Variants in FFAR4 observed in about 807,000 individuals in gnomAD.
The protein encoded by FFAR4 is G-protein coupled receptor 120.
A neutral mutation model predicts 27.0 loss-of-function variants in FFAR4; 19 were observed. The observed-to-expected ratio is 0.70, with a 90% CI of 0.49 to 1.03. The LOEUF (loss-of-function observed/expected upper bound fraction) is 1.03, where lower values mean the gene tolerates loss of function less well. Among genes scored for constraint, FFAR4 ranks in the 50% least tolerant of loss-of-function variants. The pLI is 0.00. For missense variants in FFAR4, 476 were observed against 479.0 expected, an observed-to-expected ratio of 0.99 and a Z score of 0.06; for synonymous variants, 254 against 215.6, an observed-to-expected ratio of 1.18 and a Z score of -1.56.
intron 1 of FFAR4, among the ~76,000 whole-genome samples, chr10:93,574,401 G>C (rs1161540656): frequency 6.6e-6 from 1 of 152,116 alleles, no homozygotes; most frequent in African/African-American, 2.4e-5. Flanking sequence ...AGGAATGAGA[G>C]ACCAAGTCAC....
chr10:93,580,703 C>A (rs549987689), intron 2 of FFAR4, among the ~76,000 whole-genome samples: 2 of 152,326 alleles, frequency 1.3e-5, no homozygotes, highest in African/African-American at 4.8e-5. Context: ...GCTCTAAAGT[C>A]TCCACCCTCC....
At chr10:93,576,066 A>T (rs765501376) in intron 1 of FFAR4, 25 bp from the exon 2 acceptor site, 2 of 1,612,664 alleles carry the variant, frequency 1.2e-6, no homozygotes, top group East Asian at 2.2e-5. Context: ...CATTTACATG[A>T]TGTTCTTTTC....
intron 2 of FFAR4, among the ~76,000 whole-genome samples, chr10:93,581,810 C>T (rs1321535942): frequency 1.3e-5 from 2 of 152,180 alleles, no homozygotes; most frequent in African/African-American, 4.8e-5. Context: ...ATCATGTACT[C>T]GGTGGCCGTG....
intron 2 of FFAR4, among the ~76,000 whole-genome samples, chr10:93,584,982 C>A (rs1333722324): frequency 6.6e-6 from 1 of 152,152 alleles, no homozygotes; most frequent in Non-Finnish European, 1.5e-5. Context: ...CGCTGAGATT[C>A]CAGGCATGAG....
chr10:93,585,793 A>T (rs10082472), intron 2 of FFAR4, among the ~76,000 whole-genome samples: 1 of 152,124 alleles, frequency 6.6e-6, no homozygotes, highest in Non-Finnish European at 1.5e-5. Flanking sequence ...ACCCATGGGC[A>T]GGCCCTTCCC....
chr10:93,578,815 C>T (rs1440930873), intron 2 of FFAR4, among the ~76,000 whole-genome samples: 2 of 152,200 alleles, frequency 1.3e-5, no homozygotes, highest in African/African-American at 4.8e-5. Context: ...AGATTTGGAG[C>T]ACATCAAGAA....
At chr10:93,577,303 C>T (rs2058169695) in intron 2 of FFAR4, among the ~76,000 whole-genome samples, 2 of 152,208 alleles carry the variant, frequency 1.3e-5, no homozygotes, top group South Asian at 4.1e-4. Context: ...GGCAAGTAGG[C>T]ACTTGAAGTG....
rs1356687227 is a variant in FFAR4, at chr10:93,566,856, G to T, written c.136G>T (p.Val46Leu). 2 of 1,600,440 alleles carry T rather than the reference G, an allele frequency of 1.2e-6. No individual in the cohort carries two copies. The highest frequency in any genetic ancestry group is 1.7e-6 in the Non-Finnish European group (2 of 1,175,128). Residue 46 changes from valine (V) to leucine (L), a missense_variant, in exon 1 of 3, where the codon GTG becomes TTG. By Grantham distance (32) the Val-to-Leu change is conservative. Coordinates refer to ENST00000371481, the MANE Select transcript of FFAR4 (RefSeq NM_001195755.2). ...RLVLAAVETT[V>L]LVLIFAVSLL... ...GGTGCTGGCCGCGGTGGAGACAACC[G>T]TGCTGGTGCTCATCTTTGCAGTGTC...
Position 93,588,047 on chromosome 10 carries a change from T to C in FFAR4, c.*438T>C, listed in dbSNP as rs12252950. The C allele has an allele frequency of 0.04, 6,110 of 152,106 alleles. 355 individuals carry two copies. Among genetic ancestry groups the C allele is most frequent in the African/African-American group, 0.14 (5,621 of 40,618 alleles). The allele number at this position is 152,106 out of a possible 1,614,324, so 9.4% of individuals were successfully genotyped here. A position where few individuals can be genotyped will look rare whatever the true frequency, so the allele number is the denominator to read the frequency against. On this transcript the variant is annotated 3_prime_UTR_variant, in exon 3 of 3. Transcript: ENST00000371481. ...CAGAGGTTGCAGTGAGCCGAGATCG[T>C]GCCATTGCACTCCAACCAGGGCAAC... is the stretch of plus-strand genomic sequence containing the variant.
At position 93,589,271 on chromosome 10, in the gene FFAR4, G is replaced by C. The variant is rs1423729376; in HGVS notation, c.*1662G>C. Reference sequence around the variant, plus strand: ...GAGGTTGGCAACTGGAGGCTGACGTGACCTGATGAATGTGTGCAAAGATTA... The same window carrying C: ...GAGGTTGGCAACTGGAGGCTGACGTCACCTGATGAATGTGTGCAAAGATTA... On this transcript the variant is annotated 3_prime_UTR_variant, in exon 3 of 3. Transcript: ENST00000371481. 6.6e-6 allele frequency: 1 copy of C among 152,412 alleles called. No homozygotes were observed. The highest frequency in any genetic ancestry group is 2.4e-5 in the African/African-American group (1 of 41,426). The allele number at this position is 152,412 out of a possible 1,614,324, so 9.4% of individuals were successfully genotyped here. A position where few individuals can be genotyped will look rare whatever the true frequency, so the allele number is the denominator to read the frequency against.
chr10:93,586,935 A>G (rs1001327033), intron 2 of FFAR4, among the ~76,000 whole-genome samples: 1 of 152,204 alleles, frequency 6.6e-6, no homozygotes. Context: ...CATCTCTTTT[A>G]AAAAAATAAC....
At chr10:93,583,403 G>A (rs927621018) in intron 2 of FFAR4, among the ~76,000 whole-genome samples, 2 of 148,782 alleles carry the variant, frequency 1.3e-5, no homozygotes, top group African/African-American at 2.5e-5. Context: ...GTGACAGAGC[G>A]AGACTCCGCT....
At chr10:93,573,039 C>A (rs2058141038) in intron 1 of FFAR4, among the ~76,000 whole-genome samples, 1 of 152,208 alleles carries the variant, frequency 6.6e-6, no homozygotes, top group Non-Finnish European at 1.5e-5. Context: ...TGGCCGCGGT[C>A]CTTCCAGGCA....
In FFAR4 at chr10:93,566,992, C is replaced by A. The variant is rs747968278; in HGVS notation, c.272C>A (p.Ala91Asp). 5.0e-6 allele frequency: 8 copies of A among 1,612,012 alleles called. No homozygotes were observed. Among genetic ancestry groups the A allele is most frequent in the Middle Eastern group, 3.3e-4 (2 of 6,062 alleles). The change falls in exon 1 of 3, where the codon GCT becomes GAT. Residue 91 changes from alanine (A) to aspartate (D), a missense_variant. Physicochemically the swap from Ala to Asp is moderately radical, Grantham distance 126. Transcript: ENST00000371481. ...TGCGCGGACCTGCTCTTCATCAGCG[C>A]TATCCCTCTGGTGCTGGCCGTGCGC... ...LFCADLLFIS[A>D]IPLVLAVRWT...
In FFAR4 at chr10:93,587,624, C is replaced by A. The variant is rs41290218; in HGVS notation, c.*15C>A. 291,740 of 1,603,126 alleles carry A rather than the reference C, an allele frequency of 0.18. 28,222 individuals are homozygous for A. The highest frequency in any genetic ancestry group is 0.32 in the South Asian group (29,358 of 90,616). ...TTTCTGGCTAATTTTTCTTTATAGC[C>A]GAGTTTCTCACACCTGGCGAGCTGT... is the stretch of plus-strand genomic sequence containing the variant. On this transcript the variant is annotated 3_prime_UTR_variant, in exon 3 of 3. Coordinates refer to ENST00000371481, the MANE Select transcript of FFAR4 (RefSeq NM_001195755.2).
rs1222615313 is a variant in FFAR4, at chr10:93,566,813, C to T, written c.93C>T (p.Val31=). ...CCCGCTTTCCCTTCTTCTCCGACGT[C>T]AAGGGCGACCACCGGCTGGTGCTGG... ...NRTRFPFFSD[V]KGDHRLVLAA... The change falls in exon 1 of 3, where the codon GTC becomes GTT. Residue 31 remains valine (V), a synonymous_variant. Coordinates refer to ENST00000371481, the MANE Select transcript of FFAR4 (RefSeq NM_001195755.2). 2 of 1,605,800 alleles carry T rather than the reference C, an allele frequency of 1.2e-6. No homozygotes were observed. The highest frequency in any genetic ancestry group is 1.7e-6 in the Non-Finnish European group (2 of 1,177,508).
chr10:93,567,729 G>A (rs1370095727), intron 1 of FFAR4, among the ~76,000 whole-genome samples: 1 of 152,150 alleles, frequency 6.6e-6, no homozygotes, highest in Non-Finnish European at 1.5e-5. Context: ...CGTAATTCGA[G>A]GAGGAGATGG....
intron 2 of FFAR4, among the ~76,000 whole-genome samples, chr10:93,586,446 G>A (rs181113413): frequency 1.3e-5 from 2 of 152,260 alleles, no homozygotes; most frequent in African/African-American, 2.4e-5. Context: ...TGTCCTTATA[G>A]CAGCATGAGA....
chr10:93,587,609 A>G lies in FFAR4; in HGVS notation c.1086A>G (p.Ter362=). 1.2e-6 allele frequency: 2 copies of G among 1,608,848 alleles called. No individual in the cohort carries two copies. The highest frequency in any genetic ancestry group is 1.7e-6 in the Non-Finnish European group (2 of 1,178,530). Residue 362 remains the stop codon, a stop_retained_variant, in exon 3 of 3, where the codon TAA becomes TAG. Transcript: ENST00000371481. The part of the protein sequence containing the change: ...KRNDLSIISG[*] ...ATGACTTGTCGATTATTTCTGGCTA[A>G]TTTTTCTTTATAGCCGAGTTTCTCA...
Sources: gnomAD v4.1 joint callset for allele counts (sites outside exome capture counted in the v4.1 genomes callset) on GRCh38, gnomAD v4.1.1 for gene constraint, MANE v1.5 for transcripts, NCBI Gene and HGNC (gene_info 2026-07-23, HGNC 2026-07-21) for gene names.